The following PPM1G variants were observed in gnomAD, a reference collection of about 807,000 sequenced individuals.
PPM1G encodes protein phosphatase, Mg2+/Mn2+ dependent 1G.
In PPM1G, 12 loss-of-function variants were observed where a neutral mutation model predicts 59.4. That is an observed-to-expected ratio of 0.20 (90% CI 0.13 to 0.33). The LOEUF (loss-of-function observed/expected upper bound fraction) is 0.33. PPM1G is among the 10% of genes least tolerant of loss of function. The pLI, the probability that PPM1G is intolerant of heterozygous loss-of-function variation, is 1.00. For missense variants in PPM1G, 392 were observed against 681.3 expected (o/e 0.58, Z 4.73); for synonymous variants, 245 against 251.9 (o/e 0.97, Z 0.26).
At chr2:27,391,622 T>TAC (rs1178716396) in intron 1 of PPM1G, among the ~76,000 whole-genome samples, 1 of 152,228 alleles carries the variant, frequency 6.6e-6, no homozygotes, top group Non-Finnish European at 1.5e-5. Flanking sequence ...ATAGGTTGTT[T>TAC]ACCCCCTTGA....
Position 27,383,896 on chromosome 2 carries a change from G to T in PPM1G, c.966+56C>A. The T allele has an allele frequency of 6.5e-7, 1 of 1,546,652 alleles. No homozygotes were observed. Among genetic ancestry groups the T allele is most frequent in the African/African-American group, 1.4e-5 (1 of 72,944 alleles). On this transcript the variant is annotated intron_variant, in intron 6 of 9. Coordinates refer to ENST00000344034, the MANE Select transcript of PPM1G (RefSeq NM_177983.3). The surrounding 1 kb of genome is among the most constrained non-coding windows in gnomAD (Gnocchi z 5.0). ...CCCCTGTCTCAAAATCAAAATTAGG[G>T]GATTCACACCTGCCTTGTGGCTTTT...
chr2:27,405,864 G>A (rs1225482868), intron 1 of PPM1G, among the ~76,000 whole-genome samples: 1 of 151,984 alleles, frequency 6.6e-6, no homozygotes, highest in Non-Finnish European at 1.5e-5. Context: ...TTAGCCAGGC[G>A]TGGTGGCACA....
rs35793123 is a variant in PPM1G at position 27,392,611 on chromosome 2, T to TGGG, written c.121-5456_121-5454dup. On this transcript the variant is annotated intron_variant, in intron 1 of 9. Coordinates refer to ENST00000344034, the MANE Select transcript of PPM1G (RefSeq NM_177983.3). ...GCCAGCCCACAGTACATTTTTTTTT[T>TGGG]GGGGGGGGGGAGGGTACCAAATTTA... Among the ~76,000 whole-genome samples, 628 of 102,352 alleles carry TGGG rather than the reference T, an allele frequency of 6.1e-3. 3 individuals carry two copies. The highest frequency in any genetic ancestry group is 0.015 in the African/African-American group (403 of 26,208). 67.1% of individuals were successfully genotyped at this position (102,352 alleles called of 152,430 possible).
rs1253031551 is a variant in PPM1G at position 27,381,662 on chromosome 2, G to A, written c.1578C>T (p.Leu526=). Residue 526 remains leucine (L), a synonymous_variant, in exon 10 of 10, where the codon CTC becomes CTT. Transcript: ENST00000344034. ...ESGKRKLEEV[L]STEGAEENGN... ...CATTTTCTTCAGCCCCCTCAGTAGA[G>A]AGCACCTCCTCTAGTTTTCGCTTGC... 2.5e-6 allele frequency: 4 copies of A among 1,613,942 alleles called. No individual in the cohort carries two copies. The highest frequency in any genetic ancestry group is 3.3e-4 in the Middle Eastern group (2 of 6,082).
intron 1 of PPM1G, among the ~76,000 whole-genome samples, chr2:27,402,601 C>T (rs765818940): frequency 4.6e-5 from 7 of 151,772 alleles, no homozygotes; most frequent in Non-Finnish European, 8.8e-5. Flanking sequence ...GGTCAGGAAT[C>T]GAGACCATCC....
Position 27,385,463 on chromosome 2 carries a change from G to T in PPM1G, c.409+284C>A. The T allele has an allele frequency of 2.3e-6, 1 of 435,900 alleles. No homozygotes were observed. Among genetic ancestry groups the T allele is most frequent in the Non-Finnish European group, 4.0e-6 (1 of 249,554 alleles). The allele number at this position is 435,900 out of a possible 1,614,324, so 27.0% of individuals were successfully genotyped here. A position where few individuals can be genotyped will look rare whatever the true frequency, so the allele number is the denominator to read the frequency against. ...GGGCTAATAACTGCTCCAGTCTTGA[G>T]GGGAAAAAAAAGCACATAAATACTA... is the stretch of plus-strand genomic sequence containing the variant. On this transcript the variant is annotated intron_variant, in intron 4 of 9. Transcript: ENST00000344034. The surrounding 1 kb of genome is among the most constrained non-coding windows in gnomAD (Gnocchi z 4.1).
intron 1 of PPM1G, among the ~76,000 whole-genome samples, chr2:27,404,947 GAA>G (rs527530570): frequency 9.8e-5 from 6 of 61,328 alleles, no homozygotes; most frequent in Admixed American, 1.8e-4. Flanking sequence ...CCGTCTCGGA[GAA>G]AAAAAAAAAA....
chr2:27,396,823 A>AAAAAAAG (rs1684064832), intron 1 of PPM1G, among the ~76,000 whole-genome samples: 1 of 151,572 alleles, frequency 6.6e-6, no homozygotes. Context: ...CTCCAACAAA[A>AAAAAAAG]AAAAAAAAAG....
chr2:27,405,669 C>T (rs1663339958), intron 1 of PPM1G, among the ~76,000 whole-genome samples: 1 of 151,910 alleles, frequency 6.6e-6, no homozygotes, highest in Non-Finnish European at 1.5e-5. Flanking sequence ...GCTGGGATTA[C>T]AGGCGTTAAG....
In PPM1G at chr2:27,384,592, A is replaced by G; in HGVS notation, c.825+81T>C. The G allele has an allele frequency of 1.4e-6, 2 of 1,469,320 alleles. No homozygotes were observed. Among genetic ancestry groups the G allele is most frequent in the Non-Finnish European group, 1.8e-6 (2 of 1,093,122 alleles). The allele number at this position is 1,469,320 out of a possible 1,614,324, so 91.0% of individuals were successfully genotyped here. A position where few individuals can be genotyped will look rare whatever the true frequency, so the allele number is the denominator to read the frequency against. ...GGATGATGTCAAAATAGGAGAAGGAAAGAGAGTTGAAAACTACAGACGGCA... is the reference window on the plus strand; with the variant it reads ...GGATGATGTCAAAATAGGAGAAGGAGAGAGAGTTGAAAACTACAGACGGCA... On this transcript the variant is annotated intron_variant, in intron 5 of 9. Coordinates refer to ENST00000344034, the MANE Select transcript of PPM1G (RefSeq NM_177983.3). The surrounding 1 kb of genome is among the most constrained non-coding windows in gnomAD (Gnocchi z 4.8).
chr2:27,385,616 A>G lies in PPM1G; in HGVS notation c.409+131T>C, dbSNP rs1572660635. 1.7e-6 allele frequency: 2 copies of G among 1,173,532 alleles called. No individual in the cohort carries two copies. The highest frequency in any genetic ancestry group is 1.6e-5 in the South Asian group (1 of 62,934). The allele number at this position is 1,173,532 out of a possible 1,614,324, so 72.7% of individuals were successfully genotyped here. A position where few individuals can be genotyped will look rare whatever the true frequency, so the allele number is the denominator to read the frequency against. On this transcript the variant is annotated intron_variant, in intron 4 of 9. Coordinates refer to ENST00000344034, the MANE Select transcript of PPM1G (RefSeq NM_177983.3). The surrounding 1 kb of genome is among the most constrained non-coding windows in gnomAD (Gnocchi z 4.1). ...ATAACCACATACAATGCAGGAGAAC[A>G]TCATAGGTTTCTTTAACATAAGGAC...
Position 27,385,739 on chromosome 2 carries a change from A to G in PPM1G, c.409+8T>C, listed in dbSNP as rs755804791. On this transcript the variant is annotated splice_region_variant and intron_variant, in intron 4 of 9. Coordinates refer to ENST00000344034, the MANE Select transcript of PPM1G (RefSeq NM_177983.3). This position sits in a 1 kb window ranked among gnomAD's most constrained non-coding sequence, Gnocchi z 4.1. Reference sequence around the variant, plus strand: ...GATTTCCCCTCAAACAAGGGATGCCACACTCACCATCATCTTCATCAGCTA... The same window carrying G: ...GATTTCCCCTCAAACAAGGGATGCCGCACTCACCATCATCTTCATCAGCTA... 10 of 1,608,648 alleles carry G rather than the reference A, an allele frequency of 6.2e-6. No homozygotes were observed. The highest frequency in any genetic ancestry group is 5.4e-5 in the African/African-American group (4 of 74,482).
At position 27,382,829 on chromosome 2, in the gene PPM1G, G is replaced by GTTT. The variant is rs35551468; in HGVS notation, c.1202-227_1202-225dup. ...GGTCTTTTTATTTTAAGTCTTTTTT[G>GTTT]TTTTTTTTTTTTTGAGACGGAGTTT... On this transcript the variant is annotated intron_variant, in intron 7 of 9. Coordinates refer to ENST00000344034, the MANE Select transcript of PPM1G (RefSeq NM_177983.3). This position sits in a 1 kb window ranked among gnomAD's most constrained non-coding sequence, Gnocchi z 4.2. Among the ~76,000 whole-genome samples, 10 of 140,620 alleles carry GTTT rather than the reference G, an allele frequency of 7.1e-5. No homozygotes were observed. Among genetic ancestry groups the GTTT allele is most frequent in the African/African-American group, 1.8e-4 (7 of 37,978 alleles). 92.3% of individuals were successfully genotyped at this position (140,620 alleles called of 152,430 possible).
chr2:27,392,835 T>C (rs2148422482), intron 1 of PPM1G: 3 of 1,483,090 alleles, frequency 2.0e-6, no homozygotes, highest in Middle Eastern at 4.8e-4. Context: ...AGAGGTATTC[T>C]GCCACGCCAG....
intron 1 of PPM1G, among the ~76,000 whole-genome samples, chr2:27,400,665 G>A (rs949207488): frequency 2.6e-5 from 4 of 152,172 alleles, no homozygotes; most frequent in African/African-American, 9.7e-5. Flanking sequence ...TAGGAGATAA[G>A]AGAAAATTCA....
At chr2:27,381,996 T>C in intron 9 of PPM1G, 130 bp downstream of exon 9, 2 of 1,066,926 alleles carry the variant, frequency 1.9e-6, no homozygotes, top group Admixed American at 4.1e-5. Context: ...AGGTGGAACT[T>C]TGGAGTCGGG....
intron 1 of PPM1G, 88 bp downstream of exon 1, chr2:27,409,215 T>A (rs1460987942): frequency 6.8e-7 from 1 of 1,464,162 alleles, no homozygotes; most frequent in African/African-American, 1.5e-5. Flanking sequence ...ATTGGGACCC[T>A]TCCCAGGGGA....
intron 1 of PPM1G, among the ~76,000 whole-genome samples, chr2:27,403,950 GAT>G (rs752869500): frequency 2.6e-5 from 4 of 152,024 alleles, no homozygotes; most frequent in Admixed American, 6.6e-5. Context: ...ATTGGCTATT[GAT>G]ATGAGATGCT....
In PPM1G at chr2:27,384,838, A is replaced by G. The variant is rs529518084; in HGVS notation, c.660T>C (p.Arg220=). Residue 220 remains arginine (R), a synonymous_variant, in exon 5 of 10, where the codon CGT becomes CGC. Transcript: ENST00000344034. The surrounding 1 kb of genome is among the most constrained non-coding windows in gnomAD (Gnocchi z 4.8). ...CACCAACTTGGCCTGCCTCAGTCCCACGTTCCGAGTTGGAGGAAAAGCCTG... is the reference window on the plus strand; with the variant it reads ...CACCAACTTGGCCTGCCTCAGTCCCGCGTTCCGAGTTGGAGGAAAAGCCTG... ...AYTGFSSNSE[R]GTEAGQVGEP... The G allele has an allele frequency of 6.2e-7, 1 of 1,614,204 alleles. No homozygotes were observed. Among genetic ancestry groups the G allele is most frequent in the Admixed American group, 1.7e-5 (1 of 60,022 alleles).
Sources: gnomAD v4.1 joint callset for allele counts (sites outside exome capture counted in the v4.1 genomes callset) on GRCh38, gnomAD v4.1.1 for gene constraint, Gnocchi (gnomAD v3.1) non-coding constraint, MANE v1.5 for transcripts, NCBI Gene and HGNC (gene_info 2026-07-23, HGNC 2026-07-21) for gene names.